RBAK: variants seen among roughly 807,000 people sequenced by gnomAD.
RBAK encodes RB associated KRAB zinc finger.
RBAK carries 39 observed loss-of-function variants against 65.8 expected under a neutral mutation model. The ratio of observed to expected loss-of-function variants is 0.59; its 90% CI spans 0.46 to 0.77. The LOEUF (loss-of-function observed/expected upper bound fraction) is 0.77. Ranked by LOEUF, RBAK falls within the 30% of genes least tolerant of loss-of-function variation. The probability of loss-of-function intolerance (pLI) is 0.00; values close to 1 mark genes in which losing one functional copy is unlikely to be tolerated. For missense variants in RBAK, 884 were observed against 855.1 expected (o/e 1.03, Z -0.42); for synonymous variants, 343 against 289.7 (o/e 1.18, Z -1.87).
rs1333430286 is a variant in RBAK, at chr7:5,048,664, G to A, written c.15+573G>A. Among the ~76,000 whole-genome samples the A allele has an allele frequency of 6.6e-6, 1 of 152,220 alleles. No individual in the cohort carries two copies. On this transcript the variant is annotated intron_variant, in intron 2 of 4. Transcript: ENST00000396912. The surrounding 1 kb of genome is among the most constrained non-coding windows in gnomAD (Gnocchi z 4.4). Reference sequence around the variant, plus strand: ...TCATCACAAAAGGAAAATGCCATCTGTATTAGTCCATTCTCACACTGCTAT... The same window carrying A: ...TCATCACAAAAGGAAAATGCCATCTATATTAGTCCATTCTCACACTGCTAT...
intron 2 of RBAK, among the ~76,000 whole-genome samples, chr7:5,056,045 C>T (rs935305979): frequency 3.9e-5 from 6 of 151,974 alleles, no homozygotes; most frequent in African/African-American, 7.2e-5. Flanking sequence ...GCCTGTAATC[C>T]CAACACTTTG....
rs576664937 is a variant in RBAK, at chr7:5,068,246, C to G, written c.*2645C>G. 1.6e-4 allele frequency: 25 copies of G among 152,172 alleles called. 1 individual carries two copies. The South Asian group carries it at 5.2e-3, about 32-fold the overall frequency. The allele number at this position is 152,172 out of a possible 1,614,324, so 9.4% of individuals were successfully genotyped here. A position where few individuals can be genotyped will look rare whatever the true frequency, so the allele number is the denominator to read the frequency against. On this transcript the variant is annotated 3_prime_UTR_variant, in exon 5 of 5. Transcript: ENST00000396912. Reference sequence around the variant, plus strand: ...GCTATTGTGTGAAAGCATCCATACACCATGCATTAAAAAAAAAATGAGCAT... The same window carrying G: ...GCTATTGTGTGAAAGCATCCATACAGCATGCATTAAAAAAAAAATGAGCAT...
intron 2 of RBAK, among the ~76,000 whole-genome samples, chr7:5,053,050 A>G (rs1048091943): frequency 5.3e-5 from 8 of 152,202 alleles, no homozygotes; most frequent in African/African-American, 1.9e-4. Flanking sequence ...GTAAGCCACC[A>G]CACCCAGCCC....
intron 4 of RBAK, among the ~76,000 whole-genome samples, chr7:5,061,041 A>C (rs1234387492): frequency 6.6e-6 from 1 of 152,240 alleles, no homozygotes; most frequent in Non-Finnish European, 1.5e-5. Flanking sequence ...GAATTAAGTA[A>C]AAGAATTATA....
At chr7:5,061,308 G>A (rs1779064304) in intron 4 of RBAK, among the ~76,000 whole-genome samples, 1 of 152,070 alleles carries the variant, frequency 6.6e-6, no homozygotes, top group South Asian at 2.1e-4. Flanking sequence ...GACCTGCTCT[G>A]GTGGTCATGC....
In RBAK at chr7:5,048,030, T is replaced by G. The variant is rs1438353136; in HGVS notation, c.-44-3T>G. Reference sequence around the variant, plus strand: ...CTTCAGTGACCTGCTTCTCCCCCTCTAGGTCTACCAGCCACAGTCTCTGCA... The same window carrying G: ...CTTCAGTGACCTGCTTCTCCCCCTCGAGGTCTACCAGCCACAGTCTCTGCA... On this transcript the variant is annotated splice_region_variant and splice_polypyrimidine_tract_variant and intron_variant, in intron 1 of 4. Transcript: ENST00000396912. The surrounding 1 kb of genome is among the most constrained non-coding windows in gnomAD (Gnocchi z 4.4). 19 of 1,524,712 alleles carry G rather than the reference T, an allele frequency of 1.2e-5. No individual in the cohort carries two copies. The highest frequency in any genetic ancestry group is 1.5e-5 in the Non-Finnish European group (17 of 1,119,418). The allele number at this position is 1,524,712 out of a possible 1,614,324, so 94.4% of individuals were successfully genotyped here. A position where few individuals can be genotyped will look rare whatever the true frequency, so the allele number is the denominator to read the frequency against.
chr7:5,064,800 T>C lies in RBAK; in HGVS notation c.1344T>C (p.Tyr448=). The part of the protein sequence containing the change: ...FSRVSYLTIH[Y]RSHLEEKPYE... The stretch of plus-strand genomic sequence containing the variant: ...GGGTGTCATACCTCACTATACATTA[T>C]AGAAGTCATTTAGAAGAGAAACCCT... The change falls in exon 5 of 5, where the codon TAT becomes TAC. Residue 448 remains tyrosine (Y), a synonymous_variant. Transcript: ENST00000396912. This position sits in a 1 kb window ranked among gnomAD's most constrained non-coding sequence, Gnocchi z 6.3. 2 of 1,614,096 alleles carry C rather than the reference T, an allele frequency of 1.2e-6. No homozygotes were observed. Among genetic ancestry groups the C allele is most frequent in the Non-Finnish European group, 1.7e-6 (2 of 1,179,932 alleles).
rs532256682 is a variant in RBAK, at chr7:5,050,700, A to G, written c.15+2609A>G. On this transcript the variant is annotated intron_variant, in intron 2 of 4. Transcript: ENST00000396912. ...AGTGATCCTCCCACTTCAGCCTCCC[A>G]AGTAGCTGGGAGTATAGTCATGTGC... 1.7e-4 allele frequency among the ~76,000 whole-genome samples: 26 copies of G among 152,146 alleles called. No individual in the cohort carries two copies. The East Asian group carries it at 4.8e-3, about 28-fold the overall frequency.
Position 5,068,820 on chromosome 7 carries a change from A to G in RBAK, c.*3219A>G, listed in dbSNP as rs1779283886. 1 of 152,250 alleles carries G rather than the reference A, an allele frequency of 6.6e-6. No individual in the cohort carries two copies. The highest frequency in any genetic ancestry group is 6.5e-5 in the Admixed American group (1 of 15,284). 9.4% of individuals were successfully genotyped at this position (152,250 alleles called of 1,614,324 possible). On this transcript the variant is annotated 3_prime_UTR_variant, in exon 5 of 5. Transcript: ENST00000396912. ...ATGAATAAAGAAGTGGCATATGTCC[A>G]TGGAATACTGTAAAACAGTGAGCAT... is the stretch of plus-strand genomic sequence containing the variant.
intron 4 of RBAK, 22 bp from the exon 5 acceptor site, chr7:5,063,673 G>C: frequency 6.5e-7 from 1 of 1,534,992 alleles, no homozygotes. Context: ...TACAAAGTTT[G>C]TTTACTATTT....
At chr7:5,053,680 T>C (rs1007580487) in intron 2 of RBAK, among the ~76,000 whole-genome samples, 1 of 152,262 alleles carries the variant, frequency 6.6e-6, no homozygotes, top group African/African-American at 2.4e-5. Flanking sequence ...TTTCATTTTA[T>C]GTAACTTCTG....
chr7:5,048,068 C>A lies in RBAK; in HGVS notation c.-9C>A. 6.3e-7 allele frequency: 1 copy of A among 1,596,336 alleles called. No individual in the cohort carries two copies. Among genetic ancestry groups the A allele is most frequent in the Non-Finnish European group, 8.5e-7 (1 of 1,173,114 alleles). Reference sequence around the variant, plus strand: ...CACAGTCTCTGCACGTTTCCAAGAGCAGCAGAAAATGAACACATTGCAGGT... The same window carrying A: ...CACAGTCTCTGCACGTTTCCAAGAGAAGCAGAAAATGAACACATTGCAGGT... On this transcript the variant is annotated 5_prime_UTR_variant, in exon 2 of 5. Coordinates refer to ENST00000396912, the MANE Select transcript of RBAK (RefSeq NM_021163.4). This position sits in a 1 kb window ranked among gnomAD's most constrained non-coding sequence, Gnocchi z 4.4.
Position 5,065,166 on chromosome 7 carries a change from C to G in RBAK, c.1710C>G (p.Ser570Arg). Residue 570 changes from serine to arginine, a missense_variant, in exon 5 of 5, where the codon AGC becomes AGG. Physicochemically the swap from Ser to Arg is moderately radical, Grantham distance 110 (BLOSUM62 -1). Transcript: ENST00000396912. This position sits in a 1 kb window ranked among gnomAD's most constrained non-coding sequence, Gnocchi z 5.3. ...CAGAAGAGAAACCTTATGGATGTAGCGAATGTGGGAAAACCTTTTCCCATA... is the reference window on the plus strand; with the variant it reads ...CAGAAGAGAAACCTTATGGATGTAGGGAATGTGGGAAAACCTTTTCCCATA... ...SHSEEKPYGC[S>R]ECGKTFSHNS... 2.5e-6 allele frequency: 4 copies of G among 1,613,414 alleles called. No individual in the cohort carries two copies. The highest frequency in any genetic ancestry group is 3.4e-6 in the Non-Finnish European group (4 of 1,179,798).
intron 4 of RBAK, among the ~76,000 whole-genome samples, chr7:5,062,402 T>G (rs993645228): frequency 3.3e-5 from 5 of 152,196 alleles, no homozygotes; most frequent in African/African-American, 1.2e-4. Flanking sequence ...ACCAGCAAGT[T>G]TTTATTAGGG....
chr7:5,065,625 A>G lies in RBAK; in HGVS notation c.*24A>G. 1 of 1,451,214 alleles carries G rather than the reference A, an allele frequency of 6.9e-7. No homozygotes were observed. The highest frequency in any genetic ancestry group is 1.5e-5 in the South Asian group (1 of 67,558). The allele number at this position is 1,451,214 out of a possible 1,614,324, so 89.9% of individuals were successfully genotyped here. A position where few individuals can be genotyped will look rare whatever the true frequency, so the allele number is the denominator to read the frequency against. On this transcript the variant is annotated 3_prime_UTR_variant, in exon 5 of 5. Transcript: ENST00000396912. The surrounding 1 kb of genome is among the most constrained non-coding windows in gnomAD (Gnocchi z 5.3). The stretch of plus-strand genomic sequence containing the variant: ...GAAGTCAGATCTCAATTTTTAGAAA[A>G]CTCTCTGAATATAATGAATATGGGG...
chr7:5,064,952 C>G lies in RBAK; in HGVS notation c.1496C>G (p.Thr499Ser). The change falls in exon 5 of 5, where the codon ACC becomes AGC. Residue 499 changes from threonine (T) to serine (S), a missense_variant. Thr to Ser is a moderately conservative substitution (Grantham distance 58). Coordinates refer to ENST00000396912, the MANE Select transcript of RBAK (RefSeq NM_021163.4). The surrounding 1 kb of genome is among the most constrained non-coding windows in gnomAD (Gnocchi z 6.3). ...ECGKFSQLYL[T>S]DHHTAHLEEK... ...GGAAAGTTCTCTCAGTTGTATCTCA[C>G]CGACCATCATACAGCTCATTTAGAA... 1 of 1,614,034 alleles carries G rather than the reference C, an allele frequency of 6.2e-7. No homozygotes were observed. The highest frequency in any genetic ancestry group is 1.7e-5 in the Admixed American group (1 of 60,022).
At chr7:5,063,627 A>C in intron 4 of RBAK, 68 bp from the exon 5 acceptor site, 1 of 1,291,190 alleles carries the variant, frequency 7.7e-7, no homozygotes, top group South Asian at 1.6e-5. Context: ...GGGCTCTTGA[A>C]TACCAGTACC....
At chr7:5,053,497 CT>C (rs1488490934) in intron 2 of RBAK, among the ~76,000 whole-genome samples, 1 of 151,972 alleles carries the variant, frequency 6.6e-6, no homozygotes, top group African/African-American at 2.4e-5. Context: ...GATCACTGAA[CT>C]TCTTGGATCT....
intron 4 of RBAK, among the ~76,000 whole-genome samples, chr7:5,058,556 C>G (rs900174512): frequency 1.3e-5 from 2 of 152,190 alleles, no homozygotes; most frequent in Non-Finnish European, 2.9e-5. Context: ...TCATCCTCCA[C>G]CTATGCTTGT....
Sources: gnomAD v4.1 joint callset for allele counts (sites outside exome capture counted in the v4.1 genomes callset) on GRCh38, gnomAD v4.1.1 for gene constraint, Gnocchi (gnomAD v3.1) non-coding constraint, MANE v1.5 for transcripts, NCBI Gene and HGNC (gene_info 2026-07-23, HGNC 2026-07-21) for gene names.